The following DCDC1 variants were observed in gnomAD, a reference collection of about 807,000 sequenced individuals.
The protein encoded by DCDC1 is doublecortin domain-containing protein 1.
A neutral mutation model predicts 178.3 loss-of-function variants in DCDC1; 200 were observed. The observed-to-expected ratio is 1.12, with a 90% CI of 1.00 to 1.26. The LOEUF (loss-of-function observed/expected upper bound fraction) is 1.26, where lower values mean the gene tolerates loss of function less well. Among genes scored for constraint, DCDC1 ranks in the 50% most tolerant of loss-of-function variants. The pLI is 0.00. For missense variants in DCDC1, 1,983 were observed against 1,749.2 expected, an observed-to-expected ratio of 1.13 and a Z score of -2.38; for synonymous variants, 690 against 604.8, an observed-to-expected ratio of 1.14 and a Z score of -2.07.
At chr11:31,278,688 ATAAGTATCTAAAG>A (rs2137252295) in intron 7 of DCDC1, among the ~76,000 whole-genome samples, 1 of 152,304 alleles carries the variant, frequency 6.6e-6, no homozygotes, top group South Asian at 2.1e-4. Flanking sequence ...CAAAAAAATG[ATAAGTATCTAAAG>A]TAATTCAACT....
chr11:31,253,219 A>C (rs1340291942), intron 8 of DCDC1, among the ~76,000 whole-genome samples: 1 of 152,214 alleles, frequency 6.6e-6, no homozygotes, highest in Non-Finnish European at 1.5e-5. Flanking sequence ...TCATTCACTT[A>C]AAAGTATTTT....
chr11:31,308,549 T>G (rs1948593112), intron 3 of DCDC1, among the ~76,000 whole-genome samples: 1 of 152,146 alleles, frequency 6.6e-6, no homozygotes, highest in South Asian at 2.1e-4. Flanking sequence ...CTATCCTGGT[T>G]TTGGCACTGA....
chr11:31,308,537 G>A (rs1948591915), intron 3 of DCDC1, among the ~76,000 whole-genome samples: 1 of 152,122 alleles, frequency 6.6e-6, no homozygotes, highest in South Asian at 2.1e-4. Context: ...CTCTGTTCAG[G>A]ACTATCCTGG....
chr11:31,213,459 T>C (rs765314785), intron 9 of DCDC1, among the ~76,000 whole-genome samples: 20 of 151,916 alleles, frequency 1.3e-4, no homozygotes, highest in Non-Finnish European at 2.8e-4. Context: ...TGGCTTATCA[T>C]GTCTGTAATC....
chr11:30,888,475 T>C (rs1450996518), intron 36 of DCDC1, among the ~76,000 whole-genome samples: 2 of 152,194 alleles, frequency 1.3e-5, no homozygotes, highest in Non-Finnish European at 2.9e-5. Context: ...CCCAGCACTT[T>C]GGGAGGCCGA....
rs140901475 is a variant in DCDC1 at position 31,146,623 on chromosome 11, G to A, written c.1222-8839C>T. On this transcript the variant is annotated intron_variant, in intron 9 of 38. Coordinates refer to ENST00000684477, the MANE Select transcript of DCDC1 (RefSeq NM_001387274.1). The stretch of plus-strand genomic sequence containing the variant: ...TCACTTGGCTGCTGGATGCCCCACT[G>A]GCCTGCAGTGTGTGAACTTGTGGCC... 2.4e-4 allele frequency among the ~76,000 whole-genome samples: 37 copies of A among 152,272 alleles called. No individual in the cohort carries two copies. The East Asian group carries it at 7.0e-3, about 29-fold the overall frequency.
chr11:31,007,376 C>A (rs1222544454), intron 20 of DCDC1, among the ~76,000 whole-genome samples: 1 of 152,156 alleles, frequency 6.6e-6, no homozygotes, highest in Non-Finnish European at 1.5e-5. Flanking sequence ...TGAAATGAGA[C>A]CATTGAAGCA....
intron 1 of DCDC1, among the ~76,000 whole-genome samples, chr11:31,346,730 T>G (rs1950836738): frequency 6.6e-6 from 1 of 152,170 alleles, no homozygotes; most frequent in South Asian, 2.1e-4. Flanking sequence ...ACAATATGAT[T>G]GGAGTTTGCC....
chr11:31,243,304 C>G (rs1013753590), intron 8 of DCDC1, among the ~76,000 whole-genome samples: 1 of 151,666 alleles, frequency 6.6e-6, no homozygotes, highest in African/African-American at 2.4e-5. Context: ...GCTACACATT[C>G]ATATATTACT....
intron 3 of DCDC1, among the ~76,000 whole-genome samples, chr11:31,326,434 C>T (rs934087586): frequency 1.3e-5 from 2 of 151,916 alleles, no homozygotes; most frequent in South Asian, 4.1e-4. Context: ...AATGTATCAC[C>T]ATTTTGAAGT....
intron 9 of DCDC1, among the ~76,000 whole-genome samples, chr11:31,157,159 G>A (rs535644244): frequency 2.6e-5 from 4 of 151,352 alleles, no homozygotes; most frequent in African/African-American, 7.3e-5. Flanking sequence ...TGGGAGGATC[G>A]CTTAAAGCCA....
At chr11:30,888,092 GAA>G (rs1565029538) in intron 36 of DCDC1, among the ~76,000 whole-genome samples, 2 of 104,880 alleles carry the variant, frequency 1.9e-5, no homozygotes, top group African/African-American at 7.2e-5. Flanking sequence ...GAGAAAGAAA[GAA>G]AGAAAAAGAA....
At chr11:31,182,065 C>T (rs948234035) in intron 9 of DCDC1, among the ~76,000 whole-genome samples, 8 of 152,118 alleles carry the variant, frequency 5.3e-5, no homozygotes, top group Non-Finnish European at 7.3e-5. Flanking sequence ...AAGGAACAGA[C>T]AAAGCCTCCA....
At chr11:30,867,662 C>T (rs273583) in intron 38 of DCDC1, among the ~76,000 whole-genome samples, 18,892 of 152,150 alleles carry the variant, frequency 0.12, 1,281 homozygotes, top group Admixed American at 0.2. Context: ...CAAAGTCATG[C>T]TATGACCTCC....
At chr11:30,984,273 C>A (rs1354451661) in intron 20 of DCDC1, among the ~76,000 whole-genome samples, 2 of 152,016 alleles carry the variant, frequency 1.3e-5, no homozygotes, top group Admixed American at 6.6e-5. Context: ...GTATACAGAA[C>A]TGTGTCACTG....
At chr11:31,049,320 C>A (rs964388131) in intron 20 of DCDC1, among the ~76,000 whole-genome samples, 3 of 152,100 alleles carry the variant, frequency 2.0e-5, no homozygotes, top group Non-Finnish European at 4.4e-5. Context: ...CTAGTGATGG[C>A]ACGGAAAGAT....
intron 9 of DCDC1, among the ~76,000 whole-genome samples, chr11:31,174,256 C>T (rs763056480): frequency 6.6e-6 from 1 of 152,252 alleles, no homozygotes; most frequent in Non-Finnish European, 1.5e-5. Context: ...TGCCTACTCC[C>T]ACTGCCTGTC....
At chr11:31,365,988 C>A (rs913070603) in intron 1 of DCDC1, among the ~76,000 whole-genome samples, 2 of 137,842 alleles carry the variant, frequency 1.5e-5, no homozygotes, top group Non-Finnish European at 3.4e-5. Context: ...AAATGTGCAA[C>A]AAATATTATT....
chr11:30,874,019 C>A (rs1043268518), intron 38 of DCDC1, among the ~76,000 whole-genome samples: 3 of 152,174 alleles, frequency 2.0e-5, no homozygotes, highest in African/African-American at 7.2e-5. Flanking sequence ...TCCATCATTT[C>A]TTAAGGGAAC....
Sources: allele counts gnomAD v4.1 joint callset (sites outside exome capture counted in the v4.1 genomes callset), GRCh38; gene constraint gnomAD v4.1.1; transcripts MANE v1.5; gene names NCBI Gene and HGNC (gene_info 2026-07-23, HGNC 2026-07-21).